Variants in DNAJC1 observed in about 807,000 individuals in gnomAD.
DNAJC1 encodes DnaJ heat shock protein family (Hsp40) member C1, also known as dnaJ homolog subfamily C member 1.
Under a neutral mutation model 76.6 loss-of-function variants are expected in DNAJC1, and 58 were observed. The ratio of observed to expected loss-of-function variants is 0.76; its 90% confidence interval spans 0.61 to 0.94. The LOEUF (loss-of-function observed/expected upper bound fraction) is 0.94. Ranked by LOEUF, DNAJC1 falls within the 40% of genes least tolerant of loss-of-function variation. The probability of loss-of-function intolerance (pLI) is 0.00; values close to 1 mark genes in which losing one functional copy is unlikely to be tolerated. For missense variants in DNAJC1, 689 were observed against 677.3 expected (o/e 1.02, Z -0.19); for synonymous variants, 258 against 267.9 (o/e 0.96, Z 0.36).
At chr10:21,958,628 G>C (rs1014458165) in intron 1 of DNAJC1, among the ~76,000 whole-genome samples, 1 of 151,890 alleles carries the variant, frequency 6.6e-6, no homozygotes, top group Non-Finnish European at 1.5e-5. Context: ...GGGTTTCACC[G>C]TGTTAGCCAG....
intron 1 of DNAJC1, among the ~76,000 whole-genome samples, chr10:21,951,236 C>T (rs1837589929): frequency 6.6e-6 from 1 of 151,898 alleles, no homozygotes; most frequent in African/African-American, 2.4e-5. Flanking sequence ...AGGAGAATCA[C>T]TTGAACCTGG....
intron 9 of DNAJC1, among the ~76,000 whole-genome samples, chr10:21,797,359 T>C (rs1834761180): frequency 6.6e-6 from 1 of 152,180 alleles, no homozygotes. Flanking sequence ...CTTTCTAATA[T>C]ATGTTGAAAT....
chr10:21,917,495 A>G (rs1277412326), intron 6 of DNAJC1, among the ~76,000 whole-genome samples: 1 of 152,030 alleles, frequency 6.6e-6, no homozygotes, highest in Non-Finnish European at 1.5e-5. Flanking sequence ...CACGGATTCT[A>G]AAGTTGGCAA....
chr10:21,761,550 A>G (rs1397257824), intron 10 of DNAJC1, among the ~76,000 whole-genome samples: 3 of 17,194 alleles, frequency 1.7e-4, no homozygotes, highest in African/African-American at 4.7e-4. Flanking sequence ...GACTCCGTCT[A>G]AAAAAAAAAA....
At chr10:21,933,832 T>C (rs765460608) in intron 1 of DNAJC1, among the ~76,000 whole-genome samples, 2 of 152,208 alleles carry the variant, frequency 1.3e-5, no homozygotes, top group Non-Finnish European at 2.9e-5. Context: ...TATCTATTCA[T>C]GTGTTTGTGG....
At chr10:21,984,548 A>G (rs1838208279) in intron 1 of DNAJC1, among the ~76,000 whole-genome samples, 1 of 152,200 alleles carries the variant, frequency 6.6e-6, no homozygotes, top group Non-Finnish European at 1.5e-5. Context: ...ATCTGCCACC[A>G]CTACCTGTAA....
At chr10:21,905,227 T>C (rs2131745721) in intron 6 of DNAJC1, among the ~76,000 whole-genome samples, 1 of 150,038 alleles carries the variant, frequency 6.7e-6, no homozygotes. Flanking sequence ...TCTCAATGAG[T>C]GGCACACAGG....
intron 1 of DNAJC1, among the ~76,000 whole-genome samples, chr10:21,956,944 TACA>T (rs1837696861): frequency 6.7e-6 from 1 of 150,044 alleles, no homozygotes; most frequent in Non-Finnish European, 1.5e-5. Flanking sequence ...TCGCCCAGGC[TACA>T]GTGCAGCGAT....
chr10:21,900,094 A>G (rs902609202), intron 7 of DNAJC1, among the ~76,000 whole-genome samples: 1 of 152,098 alleles, frequency 6.6e-6, no homozygotes, highest in Non-Finnish European at 1.5e-5. Flanking sequence ...TGTAATCCCA[A>G]CACTTTGAGA....
chr10:21,905,582 G>C (rs933817877), intron 6 of DNAJC1, among the ~76,000 whole-genome samples: 4 of 152,138 alleles, frequency 2.6e-5, no homozygotes, highest in Non-Finnish European at 5.9e-5. Context: ...TTCTCTGGCA[G>C]TGTAATTCTC....
intron 1 of DNAJC1, among the ~76,000 whole-genome samples, chr10:21,976,621 G>C (rs1332633053): frequency 6.6e-6 from 1 of 152,184 alleles, no homozygotes; most frequent in Non-Finnish European, 1.5e-5. Context: ...AAAGGAATAT[G>C]TACATACTGT....
intron 3 of DNAJC1, among the ~76,000 whole-genome samples, chr10:21,925,191 T>C: frequency 6.6e-6 from 1 of 152,050 alleles, no homozygotes; most frequent in East Asian, 1.9e-4. Context: ...TTTTTATTTT[T>C]TGTAGAGATA....
Position 21,759,224 on chromosome 10 carries a change from C to T in DNAJC1, c.1542G>A (p.Arg514=). Residue 514 remains arginine (R), a synonymous_variant, in exon 11 of 12, where the codon AGG becomes AGA. Coordinates refer to ENST00000376980, the MANE Select transcript of DNAJC1 (RefSeq NM_022365.4). ...TTTTGTCCCAGCGGTCAGAGGATCC[C>T]CTTGGGTACTGCTGCAACGCCAGTT... ...LLELALQQYP[R]GSSDRWDKIA... The T allele has an allele frequency of 6.2e-7, 1 of 1,614,178 alleles. No individual in the cohort carries two copies. The highest frequency in any genetic ancestry group is 1.3e-5 in the African/African-American group (1 of 75,030).
intron 3 of DNAJC1, among the ~76,000 whole-genome samples, chr10:21,925,871 C>T (rs1352544823): frequency 1.3e-5 from 2 of 152,190 alleles, no homozygotes; most frequent in Non-Finnish European, 2.9e-5. Context: ...TTTGCACAAG[C>T]CTGTAAATTT....
intron 7 of DNAJC1, among the ~76,000 whole-genome samples, chr10:21,893,331 A>G (rs1836486867): frequency 6.6e-6 from 1 of 152,212 alleles, no homozygotes; most frequent in Non-Finnish European, 1.5e-5. Flanking sequence ...AAATAAAAAT[A>G]TATCAAAATA....
At chr10:21,871,915 G>A (rs1000929932) in intron 8 of DNAJC1, among the ~76,000 whole-genome samples, 4 of 151,874 alleles carry the variant, frequency 2.6e-5, no homozygotes, top group African/African-American at 9.7e-5. Flanking sequence ...GATTACAGGT[G>A]TGAATCACTG....
chr10:21,830,047 T>C (rs1056062275), intron 8 of DNAJC1, among the ~76,000 whole-genome samples: 3 of 152,236 alleles, frequency 2.0e-5, no homozygotes, highest in Non-Finnish European at 4.4e-5. Flanking sequence ...AAAATGTTTC[T>C]GATTTTTTTC....
At chr10:21,828,885 T>C (rs1341507881) in intron 8 of DNAJC1, among the ~76,000 whole-genome samples, 5 of 152,224 alleles carry the variant, frequency 3.3e-5, no homozygotes, top group African/African-American at 4.8e-5. Context: ...TTTTTCTCTA[T>C]ATATATCAGA....
At chr10:21,901,025 C>G (rs367954001) in intron 7 of DNAJC1, among the ~76,000 whole-genome samples, 3 of 152,142 alleles carry the variant, frequency 2.0e-5, no homozygotes, top group Non-Finnish European at 4.4e-5. Context: ...CACATTCTGT[C>G]CCCCCACTTT....
Sources: gnomAD v4.1 joint callset for allele counts (sites outside exome capture counted in the v4.1 genomes callset) on GRCh38, gnomAD v4.1.1 for gene constraint, MANE v1.5 for transcripts, NCBI Gene and HGNC (gene_info 2026-07-23, HGNC 2026-07-21) for gene names.